The following NEMP2 variants were observed in gnomAD, a reference collection of about 807,000 sequenced individuals.
NEMP2 encodes the protein UPF0571 transmembrane protein.
NEMP2 carries 53 observed loss-of-function variants against 54.2 expected under a neutral mutation model. The observed-to-expected ratio is 0.98, with a 90% CI of 0.78 to 1.23. NEMP2 has a LOEUF of 1.23. Ranked by LOEUF, NEMP2 falls within the 50% of genes most tolerant of loss-of-function variation. NEMP2 has a pLI of 0.00. For synonymous variants in NEMP2, 197 were observed against 190.3 expected (o/e 1.04, Z -0.29); for missense variants, 455 against 511.3 (o/e 0.89, Z 1.06).
chr2:190,472,343 A>C, the NEMP2 span, among the ~76,000 whole-genome samples: 2 of 152,142 alleles, frequency 1.3e-5, no homozygotes, highest in African/African-American at 4.8e-5. Context: ...CCTTGAAAAA[A>C]GATTAGATGA....
chr2:190,568,681 G>A, the NEMP2 span, among the ~76,000 whole-genome samples: 1 of 152,194 alleles, frequency 6.6e-6, no homozygotes, highest in African/African-American at 2.4e-5. The surrounding 1 kb of genome is among the most constrained non-coding windows in gnomAD (Gnocchi z 4.7). Context: ...AATTAGCTGG[G>A]CGTGGTGGCG....
chr2:190,624,001 G>A, the NEMP2 span, among the ~76,000 whole-genome samples: 2 of 152,152 alleles, frequency 1.3e-5, no homozygotes, highest in East Asian at 3.8e-4. Context: ...AGAATGGGCA[G>A]AGCCAGGCAC....
At chr2:190,645,114 T>G in the NEMP2 span, among the ~76,000 whole-genome samples, 7 of 152,208 alleles carry the variant, frequency 4.6e-5, no homozygotes, top group Non-Finnish European at 8.8e-5. Context: ...AAAAGTGTTT[T>G]CAAAATTTAA....
chr2:190,473,379 G>C, the NEMP2 span, among the ~76,000 whole-genome samples: 2 of 152,142 alleles, frequency 1.3e-5, no homozygotes, highest in Non-Finnish European at 2.9e-5. Flanking sequence ...TCAAAATAAA[G>C]GGATGGAGGA....
At chr2:190,646,523 T>C in the NEMP2 span, among the ~76,000 whole-genome samples, 1 of 152,266 alleles carries the variant, frequency 6.6e-6, no homozygotes, top group South Asian at 2.1e-4. Context: ...CAGAATTGGA[T>C]GCTTAAAAGC....
chr2:190,613,464 C>T, the NEMP2 span, among the ~76,000 whole-genome samples: 3 of 152,118 alleles, frequency 2.0e-5, no homozygotes, highest in Non-Finnish European at 4.4e-5. Context: ...AGTTTTGTAG[C>T]CTCTACGCCA....
chr2:190,489,668 T>C, the NEMP2 span: 6 of 1,110,258 alleles, frequency 5.4e-6, no homozygotes, highest in Non-Finnish European at 7.7e-6. The surrounding 1 kb of genome is among the most constrained non-coding windows in gnomAD (Gnocchi z 6.6). Context: ...TGTCTCAAGC[T>C]GTGCTTCCTT....
In NEMP2 at chr2:190,505,155, C is replaced by T. The variant is rs1415750517; in HGVS notation, c.*4034G>A. ...ATAACATCAGCAGATGTAGTCACCT[C>T]TTGAATGCCTTATCCATGGGGTCAT... On this transcript the variant is annotated 3_prime_UTR_variant, in exon 9 of 9. Transcript: ENST00000409150. This position sits in a 1 kb window ranked among gnomAD's most constrained non-coding sequence, Gnocchi z 5.8. 6.6e-6 allele frequency: 1 copy of T among 152,104 alleles called. No individual in the cohort carries two copies. Among genetic ancestry groups the T allele is most frequent in the Non-Finnish European group, 1.5e-5 (1 of 68,032 alleles). The allele number at this position is 152,104 out of a possible 1,614,324, so 9.4% of individuals were successfully genotyped here.
the NEMP2 span, among the ~76,000 whole-genome samples, chr2:190,643,023 G>GTTTTTT: frequency 1.6e-4 from 13 of 79,562 alleles, 1 homozygote; most frequent in African/African-American, 4.4e-4. Flanking sequence ...AATGGTTAAG[G>GTTTTTT]TTTTTTTTTT....
At chr2:190,485,415 C>T in the NEMP2 span, among the ~76,000 whole-genome samples, 16 of 152,136 alleles carry the variant, frequency 1.1e-4, no homozygotes, top group African/African-American at 3.6e-4. This position sits in a 1 kb window ranked among gnomAD's most constrained non-coding sequence, Gnocchi z 5.1. Context: ...TTCAGGTTTT[C>T]GGTAATTCAT....
the NEMP2 span, among the ~76,000 whole-genome samples, chr2:190,582,116 T>C: frequency 6.6e-6 from 1 of 152,298 alleles, no homozygotes. This position sits in a 1 kb window ranked among gnomAD's most constrained non-coding sequence, Gnocchi z 4.6. Flanking sequence ...CAAACACCAG[T>C]GGCTTACACA....
the NEMP2 span, among the ~76,000 whole-genome samples, chr2:190,450,591 C>T: frequency 6.9e-6 from 1 of 144,242 alleles, no homozygotes; most frequent in Non-Finnish European, 1.5e-5. Flanking sequence ...ACCTTGGGCT[C>T]AGATGATACC....
the NEMP2 span, chr2:190,497,536 AC>A: frequency 8.1e-6 from 13 of 1,614,228 alleles, no homozygotes; most frequent in Non-Finnish European, 1.1e-5. This position sits in a 1 kb window ranked among gnomAD's most constrained non-coding sequence, Gnocchi z 5.2. Flanking sequence ...ATGTCATGCC[AC>A]GCATTGAGCC....
chr2:190,622,369 C>T, the NEMP2 span, among the ~76,000 whole-genome samples: 1,896 of 151,626 alleles, frequency 0.013, 16 homozygotes, highest in Non-Finnish European at 0.02. Context: ...AGTCATGCCA[C>T]AGCACTCCAG....
Position 190,510,470 on chromosome 2 carries a change from C to T in NEMP2, c.1021G>A (p.Glu341Lys). The T allele has an allele frequency of 6.4e-7, 1 of 1,551,878 alleles. No homozygotes were observed. Among genetic ancestry groups the T allele is most frequent in the Non-Finnish European group, 8.7e-7 (1 of 1,147,034 alleles). The change falls in exon 8 of 9, where the codon GAG becomes AAG. Residue 341 changes from glutamate (E) to lysine (K), a missense_variant. Transcript: ENST00000409150. The surrounding 1 kb of genome is among the most constrained non-coding windows in gnomAD (Gnocchi z 5.7). ...VKYLTEDEYR[E>K]QADAETNSAL... ...CTGTTCGTTTCAGCATCAGCTTGCTCCCTGTACTCGTCTTCCGTAAGATAT... is the reference window on the plus strand; with the variant it reads ...CTGTTCGTTTCAGCATCAGCTTGCTTCCTGTACTCGTCTTCCGTAAGATAT...
At chr2:190,500,051 A>G, downstream of NEMP2, 2 of 1,614,224 alleles carry the variant, frequency 1.2e-6, no homozygotes, top group Non-Finnish European at 1.7e-6. This position sits in a 1 kb window ranked among gnomAD's most constrained non-coding sequence, Gnocchi z 5.3. Context: ...TCCTGCTGGT[A>G]GAGCCCAGCC....
chr2:190,625,103 G>A, the NEMP2 span: 386 of 152,262 alleles, frequency 2.5e-3, 4 homozygotes, highest in African/African-American at 9.0e-3. Flanking sequence ...GCCAGTGCTA[G>A]GTATACACCC....
chr2:190,564,194 T>C, the NEMP2 span, among the ~76,000 whole-genome samples: 1 of 152,230 alleles, frequency 6.6e-6, no homozygotes, highest in Non-Finnish European at 1.5e-5. This position sits in a 1 kb window ranked among gnomAD's most constrained non-coding sequence, Gnocchi z 4.2. Flanking sequence ...ATGTGTATAA[T>C]AGTGGATTTT....
chr2:190,643,598 T>A, the NEMP2 span, among the ~76,000 whole-genome samples: 1 of 152,162 alleles, frequency 6.6e-6, no homozygotes, highest in Non-Finnish European at 1.5e-5. Context: ...GTTGCGAGGA[T>A]CAGATGAATT....
Sources: allele counts gnomAD v4.1 joint callset (sites outside exome capture counted in the v4.1 genomes callset), GRCh38; gene constraint gnomAD v4.1.1; non-coding constraint Gnocchi (gnomAD v3.1); transcripts MANE v1.5; gene names NCBI Gene and HGNC (gene_info 2026-07-23, HGNC 2026-07-21).